Variants in AK7 observed in about 807,000 individuals in gnomAD.
AK7 encodes the protein ATP-AMP transphosphorylase 7.
A neutral mutation model predicts 96.6 loss-of-function variants in AK7; 78 were observed. That is an observed-to-expected ratio of 0.81 (90% CI 0.67 to 0.97). The LOEUF (loss-of-function observed/expected upper bound fraction) is 0.97. AK7 is among the 50% of genes least tolerant of loss of function. AK7 has a pLI of 0.00. For synonymous variants in AK7, 302 were observed against 317.2 expected (o/e 0.95, Z 0.51); for missense variants, 855 against 887.9 (o/e 0.96, Z 0.47).
chr14:96,428,282 A>T (rs1892148016), intron 5 of AK7, among the ~76,000 whole-genome samples: 1 of 151,782 alleles, frequency 6.6e-6, no homozygotes, highest in African/African-American at 2.4e-5. Context: ...GTCCCTACAA[A>T]GGACATGAAC....
intron 14 of AK7, among the ~76,000 whole-genome samples, chr14:96,476,357 T>G (rs973404819): frequency 2.0e-5 from 3 of 151,882 alleles, no homozygotes; most frequent in Non-Finnish European, 4.4e-5. Context: ...AATATAAAAT[T>G]AGCCAGGCAC....
chr14:96,402,033 G>A (rs1315106169), intron 2 of AK7, among the ~76,000 whole-genome samples: 1 of 152,130 alleles, frequency 6.6e-6, no homozygotes, highest in Non-Finnish European at 1.5e-5. Context: ...GGGCCCCAGA[G>A]TTTAGCCCTT....
intron 6 of AK7, among the ~76,000 whole-genome samples, chr14:96,441,016 G>T (rs1221158267): frequency 6.6e-6 from 1 of 151,874 alleles, no homozygotes; most frequent in South Asian, 2.1e-4. Flanking sequence ...TAAATAAAAG[G>T]TGTGGGTAGA....
chr14:96,439,924 A>G (rs1477685594), intron 6 of AK7, among the ~76,000 whole-genome samples: 1 of 152,178 alleles, frequency 6.6e-6, no homozygotes, highest in East Asian at 1.9e-4. Context: ...GATAAAGTGT[A>G]GTCAAGAGAG....
At chr14:96,472,809 T>G (rs1566808365) in intron 14 of AK7, 54 bp downstream of exon 14, 1 of 1,496,052 alleles carries the variant, frequency 6.7e-7, no homozygotes, top group African/African-American at 1.4e-5. Flanking sequence ...GGGCTGGGCG[T>G]GGTGGCTCAC....
At chr14:96,483,827 A>T (rs925415407) in intron 16 of AK7, among the ~76,000 whole-genome samples, 6 of 152,092 alleles carry the variant, frequency 3.9e-5, no homozygotes, top group Non-Finnish European at 7.4e-5. Flanking sequence ...TCATGATTTG[A>T]TTTGATTTTC....
In AK7 at chr14:96,488,665, GA is replaced by G. The variant is rs1895907019; in HGVS notation, c.*323del. On this transcript the variant is annotated 3_prime_UTR_variant, in exon 18 of 18. Transcript: ENST00000267584. The stretch of plus-strand genomic sequence containing the variant: ...GGTATTTATAGCATGAAGAAAATCA[GA>G]CTATATATTGTAGACTATGTATTAT... 1.9e-5 allele frequency: 4 copies of G among 209,056 alleles called. No individual in the cohort carries two copies. In the Admixed American group the frequency reaches 2.1e-4, roughly 11 times the overall value. The allele number at this position is 209,056 out of a possible 1,614,324, so 13.0% of individuals were successfully genotyped here.
chr14:96,485,856 T>C (rs1200131857), intron 16 of AK7, among the ~76,000 whole-genome samples: 1 of 150,620 alleles, frequency 6.6e-6, no homozygotes, highest in Non-Finnish European at 1.5e-5. Flanking sequence ...AGTGCAGTGT[T>C]ACGATCTCGG....
At chr14:96,447,939 A>T (rs766464691) in intron 8 of AK7, among the ~76,000 whole-genome samples, 46 of 152,058 alleles carry the variant, frequency 3.0e-4, no homozygotes, top group Non-Finnish European at 6.2e-4. Flanking sequence ...AGCCTGGGCA[A>T]CATGGTGAAA....
At position 96,398,172 on chromosome 14, in the gene AK7, C is replaced by T. The variant is rs1595365717; in HGVS notation, c.203C>T (p.Ser68Leu). The stretch of plus-strand genomic sequence containing the variant: ...AAGTCAGCTATGCTGGAAGCTTCCT[C>T]AACCAAAGTGAAGGAAGGCACATTC... ...ENKSAMLEAS[S>L]TKVKEGTFQI... is the part of the protein sequence containing the mutation. Residue 68 changes from serine (S) to leucine (L), a missense_variant, in exon 2 of 18, where the codon TCA (serine) becomes TTA (leucine). Transcript: ENST00000267584. The T allele has an allele frequency of 6.2e-7, 1 of 1,614,172 alleles. No individual in the cohort carries two copies. The highest frequency in any genetic ancestry group is 1.3e-5 in the African/African-American group (1 of 75,052).
chr14:96,483,494 T>C lies in AK7; in HGVS notation c.1974+275T>C, dbSNP rs1448255116. Among the ~76,000 whole-genome samples the C allele has an allele frequency of 2.0e-5, 3 of 152,186 alleles. No homozygotes were observed. The South Asian group carries it at 6.2e-4, about 32-fold the overall frequency. On this transcript the variant is annotated intron_variant, in intron 16 of 17. Coordinates refer to ENST00000267584, the MANE Select transcript of AK7 (RefSeq NM_152327.5). The stretch of plus-strand genomic sequence containing the variant: ...TGGAGTGCAGTGGTGCAATCTTGGC[T>C]TACTGCAACCTCTGCCTCCCGGGTT...
chr14:96,397,760 A>C (rs561795570), intron 1 of AK7, among the ~76,000 whole-genome samples: 1 of 152,198 alleles, frequency 6.6e-6, no homozygotes, highest in Non-Finnish European at 1.5e-5. Flanking sequence ...TTACATTTCT[A>C]TATTTCTGTT....
chr14:96,441,728 C>G (rs777676754), intron 6 of AK7, among the ~76,000 whole-genome samples: 4 of 151,322 alleles, frequency 2.6e-5, no homozygotes, highest in African/African-American at 9.7e-5. Context: ...CTTGACTTTT[C>G]CCTTTGGCTT....
chr14:96,402,185 G>GCACACACACACA (rs34222287), intron 2 of AK7, among the ~76,000 whole-genome samples: 33 of 146,156 alleles, frequency 2.3e-4, no homozygotes, highest in Non-Finnish European at 3.6e-4. Context: ...ATACACAGAT[G>GCACACACACACA]CACACACACA....
At chr14:96,465,883 G>A (rs1167427783) in intron 12 of AK7, among the ~76,000 whole-genome samples, 2 of 151,858 alleles carry the variant, frequency 1.3e-5, no homozygotes, top group Non-Finnish European at 2.9e-5. Flanking sequence ...GGTGGCAGAT[G>A]CCTGTAATCC....
rs187236358 is a variant in AK7 at position 96,410,145 on chromosome 14, G to T, written c.498+1204G>T. 9.3e-4 allele frequency among the ~76,000 whole-genome samples: 142 copies of T among 152,222 alleles called. 1 individual carries two copies. Among genetic ancestry groups the T allele is most frequent in the African/African-American group, 2.9e-3 (119 of 41,544 alleles). On this transcript the variant is annotated intron_variant, in intron 4 of 17. Transcript: ENST00000267584. ...TCAAATGCTTTGTATTTGTTTAATT[G>T]TCTCTCCCCTGGTGGACTGAGAACC...
chr14:96,472,538 T>C, intron 13 of AK7, 149 bp from the exon 14 acceptor site: 1 of 599,666 alleles, frequency 1.7e-6, no homozygotes, highest in East Asian at 2.9e-5. Context: ...TCAATGTACA[T>C]TTAGTTTGTG....
chr14:96,422,244 G>T (rs1157655378), intron 5 of AK7, among the ~76,000 whole-genome samples: 4 of 152,202 alleles, frequency 2.6e-5, no homozygotes, highest in Non-Finnish European at 5.9e-5. Context: ...TTACAATATA[G>T]TGTGTGCATC....
intron 4 of AK7, among the ~76,000 whole-genome samples, chr14:96,419,389 C>T (rs998271409): frequency 2.0e-5 from 3 of 152,118 alleles, no homozygotes; most frequent in Non-Finnish European, 4.4e-5. Flanking sequence ...CACCATTCTG[C>T]GAGGCCAAGG....
Sources: gnomAD v4.1 joint callset for allele counts (sites outside exome capture counted in the v4.1 genomes callset) on GRCh38, gnomAD v4.1.1 for gene constraint, MANE v1.5 for transcripts, NCBI Gene and HGNC (gene_info 2026-07-23, HGNC 2026-07-21) for gene names.